The following E4F1 variants were observed in gnomAD, a reference collection of about 807,000 sequenced individuals.
E4F1 encodes the protein E4F transcription factor 1.
In E4F1, 30 loss-of-function variants were observed where a neutral mutation model predicts 72.9. The observed-to-expected ratio is 0.41, with a 90% CI of 0.31 to 0.56. The LOEUF is 0.56. E4F1 is among the 20% of genes least tolerant of loss of function. E4F1 has a pLI of 0.25. For synonymous variants in E4F1, 542 were observed against 478.2 expected (o/e 1.13, Z -1.74); for missense variants, 1,091 against 1,117.5 (o/e 0.98, Z 0.34).
chr16:2,229,335 G>A (rs1243173729), intron 2 of E4F1, among the ~76,000 whole-genome samples: 3 of 152,210 alleles, frequency 2.0e-5, no homozygotes, highest in African/African-American at 7.2e-5. Context: ...GTGGCCAGAG[G>A]TGTGAGAGTG....
chr16:2,226,344 TC>T (rs765751881), intron 1 of E4F1, among the ~76,000 whole-genome samples: 2 of 152,170 alleles, frequency 1.3e-5, no homozygotes, highest in African/African-American at 2.4e-5. Context: ...GGTAGGGGGT[TC>T]TTCAGTGGCA....
At position 2,234,306 on chromosome 16, in the gene E4F1, C is replaced by G; in HGVS notation, c.1511C>G (p.Ala504Gly). ...GDCGKLYKTI[A>G]HVRGHRRVHS... ...TGCGGGAAGCTCTACAAGACCATTG[C>G]CCATGTGCGTGGCCACCGGCGCGTC... The change falls in exon 10 of 14, where the codon GCC becomes GGC. Residue 504 changes from alanine to glycine, a missense_variant. By Grantham distance (60) the Ala-to-Gly change is moderately conservative. Around this residue, in one of 5 missense-constraint regions of E4F1, gnomAD observed 622 missense variants for 628.0 expected, o/e 0.99. Transcript: ENST00000301727. 1 of 1,613,014 alleles carries G rather than the reference C, an allele frequency of 6.2e-7. No homozygotes were observed. Among genetic ancestry groups the G allele is most frequent in the Non-Finnish European group, 8.5e-7 (1 of 1,179,990 alleles).
rs749101506 is a variant in E4F1 at position 2,235,308 on chromosome 16, G to A, written c.2091G>A (p.Glu697=). The change falls in exon 14 of 14, where the codon GAG becomes GAA. Residue 697 remains glutamate (E), a synonymous_variant. Coordinates refer to ENST00000301727, the MANE Select transcript of E4F1 (RefSeq NM_004424.5). The stretch of plus-strand genomic sequence containing the variant: ...TCGTGCAGAACGTCACCATGGACGA[G>A]GAGACGGCGCTGGGCCCAGAGGCGG... The part of the protein sequence containing the change: ...QIIVQNVTMD[E]ETALGPEAAA... 1.2e-6 allele frequency: 2 copies of A among 1,611,096 alleles called. No homozygotes were observed. Among genetic ancestry groups the A allele is most frequent in the Non-Finnish European group, 1.7e-6 (2 of 1,179,922 alleles).
intron 7 of E4F1, 111 bp downstream of exon 7, chr16:2,233,294 G>GCTTC: frequency 6.8e-7 from 1 of 1,472,656 alleles, no homozygotes; most frequent in Non-Finnish European, 9.0e-7. Context: ...CGAGGGCTGG[G>GCTTC]CTTCCCACAG....
intron 1 of E4F1, 134 bp from the exon 2 acceptor site, chr16:2,228,238 C>G (rs2093443692): frequency 3.3e-6 from 4 of 1,218,456 alleles, no homozygotes; most frequent in Non-Finnish European, 3.5e-6. Context: ...GTGTTCTCAG[C>G]AGCCTGGGGA....
At position 2,232,275 on chromosome 16, in the gene E4F1, G is replaced by T; in HGVS notation, c.520G>T (p.Ala174Ser). 1 of 1,612,092 alleles carries T rather than the reference G, an allele frequency of 6.2e-7. No homozygotes were observed. Among genetic ancestry groups the T allele is most frequent in the Non-Finnish European group, 8.5e-7 (1 of 1,179,488 alleles). Residue 174 changes from alanine (A) to serine (S), a missense_variant, in exon 4 of 14, where the codon GCA becomes TCA. Coordinates refer to ENST00000301727, the MANE Select transcript of E4F1 (RefSeq NM_004424.5). Reference protein sequence around the residue: ...GSPRQQGLGLAGEGEQAQVKL... With the variant: ...GSPRQQGLGLSGEGEQAQVKL... ...CCCCCGCCAGCAGGGGCTGGGGCTC[G>T]CAGGGGAGGGTGAGCAGGCCCAGGT...
chr16:2,223,991 G>A (rs2093415345), intron 1 of E4F1: 5 of 1,473,262 alleles, frequency 3.4e-6, no homozygotes, highest in Non-Finnish European at 4.5e-6. Context: ...TCTCTGGTGT[G>A]CGTCCACAAG....
intron 2 of E4F1, 31 bp downstream of exon 2, chr16:2,228,554 C>A (rs2093446490): frequency 1.2e-6 from 2 of 1,602,624 alleles, no homozygotes; most frequent in Non-Finnish European, 1.7e-6. Context: ...CCATCCCCTC[C>A]CGGGTTCACC....
At position 2,232,915 on chromosome 16, in the gene E4F1, A is replaced by C; in HGVS notation, c.883+7A>C. ...AAAGAGGACGCACGTGCAGGTCAGC[A>C]TGGTGCGGGCAGCTGCCTGGTCCTG... is the stretch of plus-strand genomic sequence containing the variant. On this transcript the variant is annotated splice_region_variant and intron_variant, in intron 6 of 13. Transcript: ENST00000301727. 6.2e-7 allele frequency: 1 copy of C among 1,613,204 alleles called. No individual in the cohort carries two copies. The highest frequency in any genetic ancestry group is 8.5e-7 in the Non-Finnish European group (1 of 1,179,994).
chr16:2,229,112 C>A (rs1311924429), intron 2 of E4F1, among the ~76,000 whole-genome samples: 1 of 152,228 alleles, frequency 6.6e-6, no homozygotes, highest in East Asian at 1.9e-4. Flanking sequence ...CCTGGACACC[C>A]CACTCTGAGC....
Position 2,223,759 on chromosome 16 carries a change from T to C in E4F1, c.146T>C (p.Phe49Ser). 6.5e-7 allele frequency: 1 copy of C among 1,533,406 alleles called. No individual in the cohort carries two copies. Among genetic ancestry groups the C allele is most frequent in the Non-Finnish European group, 8.7e-7 (1 of 1,151,084 alleles). 95.0% of individuals were successfully genotyped at this position (1,533,406 alleles called of 1,614,324 possible). The change falls in exon 1 of 14, where the codon TTC becomes TCC. Residue 49 changes from phenylalanine to serine, a missense_variant. By Grantham distance (155) the Phe-to-Ser change is radical (BLOSUM62 -2). Around this residue, in one of 5 missense-constraint regions of E4F1, gnomAD observed 362 missense variants for 358.6 expected, o/e 1.01. Coordinates refer to ENST00000301727, the MANE Select transcript of E4F1 (RefSeq NM_004424.5). Reference sequence around the variant, plus strand: ...GGCTTCCTCGGCCTCCCGGCGCCCTTCAGCGAGGAAGGTAACCGGGCCGAC... The same window carrying C: ...GGCTTCCTCGGCCTCCCGGCGCCCTCCAGCGAGGAAGGTAACCGGGCCGAC... ...PSGFLGLPAPFSEEDEDDVHR... is the reference protein window; with the variant it reads ...PSGFLGLPAPSSEEDEDDVHR...
At position 2,232,375 on chromosome 16, in the gene E4F1, G is replaced by T. The variant is rs370942286; in HGVS notation, c.609+11G>T. 17 of 1,600,876 alleles carry T rather than the reference G, an allele frequency of 1.1e-5. No individual in the cohort carries two copies. Among genetic ancestry groups the T allele is most frequent in the African/African-American group, 2.7e-5 (2 of 74,690 alleles). ...AAGACCTTCAAGACGGTGAGCCGGC[G>T]TGCGGGGAGCCAGTGTGTGGGTGGC... On this transcript the variant is annotated intron_variant, in intron 4 of 13. Transcript: ENST00000301727.
At chr16:2,231,494 C>T (rs1488897438) in intron 3 of E4F1, 1 of 152,386 alleles carries the variant, frequency 6.6e-6, no homozygotes, top group Non-Finnish European at 1.5e-5. Flanking sequence ...GGTTTCTAAG[C>T]AGTGGCTTCA....
At chr16:2,231,358 A>G (rs940023378) in intron 3 of E4F1, 1 of 152,090 alleles carries the variant, frequency 6.6e-6, no homozygotes, top group Admixed American at 6.5e-5. Context: ...TTGGAAGATC[A>G]CTCCTGGGGC....
At position 2,232,249 on chromosome 16, in the gene E4F1, G is replaced by T; in HGVS notation, c.494G>T (p.Ser165Ile). The change falls in exon 4 of 14, where the codon AGC becomes ATC. Residue 165 changes from serine to isoleucine, a missense_variant. By Grantham distance (142) the Ser-to-Ile change is moderately radical. Coordinates refer to ENST00000301727, the MANE Select transcript of E4F1 (RefSeq NM_004424.5). Reference sequence around the variant, plus strand: ...GGTGAGATGGCCGAGGCCCCGGGCAGCCCCCGCCAGCAGGGGCTGGGGCTC... The same window carrying T: ...GGTGAGATGGCCGAGGCCCCGGGCATCCCCCGCCAGCAGGGGCTGGGGCTC... Reference protein sequence around the residue: ...GDGEMAEAPGSPRQQGLGLAG... With the variant: ...GDGEMAEAPGIPRQQGLGLAG... 6.2e-7 allele frequency: 1 copy of T among 1,612,648 alleles called. No individual in the cohort carries two copies. Among genetic ancestry groups the T allele is most frequent in the Non-Finnish European group, 8.5e-7 (1 of 1,179,752 alleles).
At position 2,234,923 on chromosome 16, in the gene E4F1, C is replaced by T. The variant is rs749272911; in HGVS notation, c.1857C>T (p.Thr619=). 17 of 1,558,940 alleles carry T rather than the reference C, an allele frequency of 1.1e-5. No individual in the cohort carries two copies. Among genetic ancestry groups the T allele is most frequent in the Admixed American group, 1.9e-5 (1 of 51,960 alleles). The change falls in exon 12 of 14, where the codon ACC becomes ACT. Residue 619 remains threonine (T), a synonymous_variant. Coordinates refer to ENST00000301727, the MANE Select transcript of E4F1 (RefSeq NM_004424.5). ...VSEDSPAAAT[T]VLTEDPHTVL... is the part of the protein sequence containing the mutation. ...AGGACAGCCCCGCGGCAGCCACCAC[C>T]GTCCTCACGGAAGACCCGCACACAG...
At position 2,233,607 on chromosome 16, in the gene E4F1, C is replaced by T; in HGVS notation, c.1226C>T (p.Ala409Val). The T allele has an allele frequency of 4.0e-6, 6 of 1,509,710 alleles. No homozygotes were observed. The highest frequency in any genetic ancestry group is 5.3e-6 in the Non-Finnish European group (6 of 1,128,074). The allele number at this position is 1,509,710 out of a possible 1,614,324, so 93.5% of individuals were successfully genotyped here. The change falls in exon 8 of 14, where the codon GCC becomes GTC. Residue 409 changes from alanine (A) to valine (V), a missense_variant. Ala to Val is a moderately conservative substitution (Grantham distance 64). This residue lies in a region of E4F1 where 622 missense variants were observed against 628.0 expected (regional missense o/e 0.99). Transcript: ENST00000301727. ...GSSPQPLAVA[A>V]PQLPVLEVQP... ...AGTCCCCAGCCCCTGGCAGTGGCAG[C>T]CCCGCAGCTGCCGGTACTGGAAGTG...
At chr16:2,233,832 C>T in intron 8 of E4F1, 50 bp from the exon 9 acceptor site, 4 of 1,507,196 alleles carry the variant, frequency 2.7e-6, no homozygotes, top group Non-Finnish European at 2.7e-6. Flanking sequence ...CTTGGTACTG[C>T]CAGGGCACAG....
chr16:2,223,943 C>T, intron 1 of E4F1, 173 bp downstream of exon 1: 1 of 1,527,306 alleles, frequency 6.5e-7, no homozygotes, highest in African/African-American at 1.4e-5. Context: ...TGCTGCGACC[C>T]TCACGGGCCT....
Sources: allele counts gnomAD v4.1 joint callset (sites outside exome capture counted in the v4.1 genomes callset), GRCh38; gene constraint gnomAD v4.1.1; regional missense constraint gnomAD v4.1.1; transcripts MANE v1.5; gene names NCBI Gene and HGNC (gene_info 2026-07-23, HGNC 2026-07-21).